DPP10: variants seen among roughly 807,000 people sequenced by gnomAD.
The protein encoded by DPP10 is dipeptidyl peptidase like 10.
In DPP10, 33 loss-of-function variants were observed where a neutral mutation model predicts 120.9. The observed-to-expected ratio is 0.27, with a 90% confidence interval of 0.21 to 0.37. The LOEUF (loss-of-function observed/expected upper bound fraction) is 0.37, where lower values mean the gene tolerates loss of function less well. Among genes scored for constraint, DPP10 ranks in the 10% least tolerant of loss-of-function variants. The probability of loss-of-function intolerance (pLI) is 1.00; values close to 1 mark genes in which losing one functional copy is unlikely to be tolerated. For missense variants in DPP10, 816 were observed against 942.8 expected, an observed-to-expected ratio of 0.87 and a Z score of 1.76; for synonymous variants, 337 against 326.1, an observed-to-expected ratio of 1.03 and a Z score of -0.36.
At chr2:114,570,443 A>G (rs1445925131) in intron 1 of DPP10, among the ~76,000 whole-genome samples, 1 of 152,044 alleles carries the variant, frequency 6.6e-6, no homozygotes, top group African/African-American at 2.4e-5. Flanking sequence ...ACTCAAAACA[A>G]TCCAACATAA....
chr2:114,563,612 C>T (rs571629441), intron 1 of DPP10, among the ~76,000 whole-genome samples: 54 of 152,284 alleles, frequency 3.5e-4, no homozygotes, highest in Admixed American at 1.6e-3. Flanking sequence ...TATTTACTCC[C>T]TCAAGTTAAC....
At chr2:114,524,146 G>A (rs1393662581) in intron 1 of DPP10, among the ~76,000 whole-genome samples, 1 of 152,192 alleles carries the variant, frequency 6.6e-6, no homozygotes, top group Non-Finnish European at 1.5e-5. Context: ...GTGGATGTAG[G>A]CAATGAGATC....
intron 1 of DPP10, among the ~76,000 whole-genome samples, chr2:115,209,437 T>TA (rs1559243889): frequency 6.6e-6 from 1 of 152,294 alleles, no homozygotes; most frequent in East Asian, 1.9e-4. Context: ...TACATACACA[T>TA]ACATGCTATG....
intron 3 of DPP10, among the ~76,000 whole-genome samples, chr2:115,491,510 G>A (rs2076120558): frequency 6.6e-6 from 1 of 152,084 alleles, no homozygotes; most frequent in African/African-American, 2.4e-5. Context: ...GTTTATGTGT[G>A]TGGATAATTT....
At chr2:115,075,734 T>A (rs944276068) in intron 1 of DPP10, among the ~76,000 whole-genome samples, 3 of 151,300 alleles carry the variant, frequency 2.0e-5, no homozygotes, top group Admixed American at 2.0e-4. Flanking sequence ...GTTAGGCAAC[T>A]CCTTTTATTC....
chr2:115,275,279 T>C (rs536122106), intron 1 of DPP10, among the ~76,000 whole-genome samples: 2 of 152,344 alleles, frequency 1.3e-5, no homozygotes, highest in East Asian at 3.9e-4. Context: ...GATTAAATAA[T>C]AGTCTCTCTC....
intron 1 of DPP10, among the ~76,000 whole-genome samples, chr2:114,752,162 T>A (rs182050937): frequency 6.6e-6 from 1 of 152,314 alleles, no homozygotes; most frequent in East Asian, 1.9e-4. Context: ...CTTAGCCTGC[T>A]GCTCCCAACT....
intron 5 of DPP10, among the ~76,000 whole-genome samples, chr2:115,628,969 C>T (rs368810579): frequency 6.6e-6 from 1 of 152,082 alleles, no homozygotes; most frequent in Non-Finnish European, 1.5e-5. Flanking sequence ...TCCCCCTTCC[C>T]CCTACCCCAC....
intron 3 of DPP10, among the ~76,000 whole-genome samples, chr2:115,494,041 C>T (rs1575011644): frequency 6.6e-6 from 1 of 152,028 alleles, no homozygotes; most frequent in South Asian, 2.1e-4. Flanking sequence ...CTCCGCCTCC[C>T]AGGTTCAAGC....
chr2:115,299,831 T>C (rs1425735656), intron 1 of DPP10, among the ~76,000 whole-genome samples: 3 of 152,046 alleles, frequency 2.0e-5, no homozygotes, highest in African/African-American at 7.2e-5. Context: ...CCATCTAAAT[T>C]TTAAAATCAC....
intron 5 of DPP10, among the ~76,000 whole-genome samples, chr2:115,678,206 G>A (rs572926718): frequency 1.3e-5 from 2 of 152,336 alleles, no homozygotes; most frequent in South Asian, 2.1e-4. Context: ...AATCACCAAG[G>A]CAATGGGGAA....
chr2:115,541,732 C>CT (rs1235791161), intron 5 of DPP10, among the ~76,000 whole-genome samples: 1 of 151,768 alleles, frequency 6.6e-6, no homozygotes, highest in Non-Finnish European at 1.5e-5. Flanking sequence ...GGAAAGCTTA[C>CT]TATGTAAGCT....
At chr2:115,343,938 G>A in intron 3 of DPP10, 26 bp downstream of exon 3, 2 of 1,541,890 alleles carry the variant, frequency 1.3e-6, no homozygotes, top group Non-Finnish European at 1.8e-6. Flanking sequence ...TTTAAACATT[G>A]TATTCATTTT....
At chr2:115,162,374 G>A (rs1280256842) in intron 1 of DPP10, 22 of 1,350,432 alleles carry the variant, frequency 1.6e-5, no homozygotes, top group Non-Finnish European at 2.0e-5. Context: ...CCCCATTAAC[G>A]CACGCTGAAG....
chr2:115,015,486 G>T (rs1191858075), intron 1 of DPP10, among the ~76,000 whole-genome samples: 3 of 152,088 alleles, frequency 2.0e-5, no homozygotes, highest in Non-Finnish European at 2.9e-5. Context: ...ACATAGTACT[G>T]GAAGTTCTGG....
intron 1 of DPP10, among the ~76,000 whole-genome samples, chr2:115,120,418 G>T (rs879590391): frequency 6.6e-6 from 1 of 151,874 alleles, no homozygotes; most frequent in African/African-American, 2.4e-5. Context: ...TTGGGGAACT[G>T]ATTGGACACA....
At chr2:115,423,611 G>T (rs1227018884) in intron 3 of DPP10, among the ~76,000 whole-genome samples, 1 of 152,016 alleles carries the variant, frequency 6.6e-6, no homozygotes. Flanking sequence ...TAAGAAAAAG[G>T]ATGTCCTAAA....
At chr2:115,411,635 TTTGAGAA>T (rs988380208) in intron 3 of DPP10, among the ~76,000 whole-genome samples, 1 of 152,136 alleles carries the variant, frequency 6.6e-6, no homozygotes, top group Non-Finnish European at 1.5e-5. Flanking sequence ...AGGTGAACAT[TTTGAGAA>T]GCCTTAGAAA....
intron 2 of DPP10, among the ~76,000 whole-genome samples, chr2:115,316,709 A>G: frequency 6.6e-6 from 1 of 152,258 alleles, no homozygotes; most frequent in Non-Finnish European, 1.5e-5. Context: ...TTTGTCATAT[A>G]TTTTATTTCT....
Sources: gnomAD v4.1 joint callset for allele counts (sites outside exome capture counted in the v4.1 genomes callset) on GRCh38, gnomAD v4.1.1 for gene constraint, MANE v1.5 for transcripts, NCBI Gene and HGNC (gene_info 2026-07-23, HGNC 2026-07-21) for gene names.